CFTR: variants seen among roughly 807,000 people sequenced by gnomAD.
CFTR encodes CF transmembrane conductance regulator.
In CFTR, 181 loss-of-function variants were observed where a neutral mutation model predicts 171.6. The ratio of observed to expected loss-of-function variants is 1.05; its 90% CI spans 0.93 to 1.19. CFTR has a LOEUF of 1.19. CFTR is among the 50% of genes most tolerant of loss of function. The pLI is 0.00. For synonymous variants in CFTR, 583 were observed against 608.0 expected, an observed-to-expected ratio of 0.96 and a Z score of 0.60; for missense variants, 1,968 against 1,734.7, an observed-to-expected ratio of 1.13 and a Z score of -2.39.
chr7:117,623,357 A>G (rs1792609217), intron 21 of CFTR, among the ~76,000 whole-genome samples: 1 of 152,190 alleles, frequency 6.6e-6, no homozygotes, highest in Admixed American at 6.6e-5. Context: ...TCCTCCTTGG[A>G]CAACTGTTTT....
chr7:117,529,243 A>C (rs1333681797), intron 3 of CFTR, among the ~76,000 whole-genome samples: 1 of 100,910 alleles, frequency 9.9e-6, no homozygotes, highest in Non-Finnish European at 1.8e-5. Context: ...GGAAACCATC[A>C]TTCTCAGTAA....
chr7:117,563,856 C>T (rs1276954049), intron 11 of CFTR, among the ~76,000 whole-genome samples: 4 of 152,062 alleles, frequency 2.6e-5, no homozygotes, highest in African/African-American at 7.2e-5. Flanking sequence ...GTCCTGCTGA[C>T]TTTTGGAACT....
At chr7:117,488,508 C>T (rs1296619518) in intron 1 of CFTR, among the ~76,000 whole-genome samples, 1 of 152,064 alleles carries the variant, frequency 6.6e-6, no homozygotes, top group Non-Finnish European at 1.5e-5. Context: ...TTGACCATTT[C>T]ATTGCCTCTT....
Position 117,591,321 on chromosome 7 carries a change from TA to T in CFTR, c.1767-606del, listed in dbSNP as rs543549063. 1.3e-4 allele frequency among the ~76,000 whole-genome samples: 20 copies of T among 152,134 alleles called. No individual in the cohort carries two copies. The South Asian group carries it at 3.5e-3, about 27-fold the overall frequency. On this transcript the variant is annotated intron_variant, in intron 13 of 26. Transcript: ENST00000003084. ...ATATGATATATGACATTTTAATGCC[TA>T]AAAAAACTGATATGTCTTAGATGAT...
intron 11 of CFTR, among the ~76,000 whole-genome samples, chr7:117,583,084 C>G (rs896172299): frequency 7.9e-5 from 12 of 152,058 alleles, no homozygotes; most frequent in African/African-American, 1.2e-4. Context: ...CTGAAACAGC[C>G]TCTTAATTAT....
chr7:117,493,815 A>T (rs531596903), intron 1 of CFTR, among the ~76,000 whole-genome samples: 2 of 152,222 alleles, frequency 1.3e-5, no homozygotes, highest in South Asian at 4.1e-4. Flanking sequence ...CCAAGAACCC[A>T]ATTCCATGTT....
chr7:117,577,629 G>C (rs1791791336), intron 11 of CFTR, among the ~76,000 whole-genome samples: 1 of 152,042 alleles, frequency 6.6e-6, no homozygotes, highest in East Asian at 1.9e-4. Context: ...CCTATAAAAT[G>C]TGACTTTCAT....
At chr7:117,581,242 A>G (rs1231514181) in intron 11 of CFTR, among the ~76,000 whole-genome samples, 1 of 152,156 alleles carries the variant, frequency 6.6e-6, no homozygotes, top group Non-Finnish European at 1.5e-5. Flanking sequence ...ACCAACTTCA[A>G]CAATAGTACA....
chr7:117,664,353 A>G (rs1473502089), intron 24 of CFTR, among the ~76,000 whole-genome samples: 2 of 152,156 alleles, frequency 1.3e-5, no homozygotes, highest in African/African-American at 4.8e-5. Context: ...GGAATAATTT[A>G]TGTACACCTT....
At chr7:117,633,909 T>C (rs1792788068) in intron 22 of CFTR, among the ~76,000 whole-genome samples, 1 of 152,102 alleles carries the variant, frequency 6.6e-6, no homozygotes, top group Non-Finnish European at 1.5e-5. Context: ...CTAATACTTT[T>C]TGAGAATTTT....
chr7:117,578,838 T>C (rs934222699), intron 11 of CFTR, among the ~76,000 whole-genome samples: 7 of 152,106 alleles, frequency 4.6e-5, no homozygotes, highest in Non-Finnish European at 1.0e-4. Flanking sequence ...GTTCCACTAA[T>C]GAAGATATCT....
At chr7:117,666,858 TG>T in intron 26 of CFTR, 49 bp from the exon 27 acceptor site, 1 of 1,529,332 alleles carries the variant, frequency 6.5e-7, no homozygotes, top group Non-Finnish European at 9.1e-7. Context: ...GTCCCTGCTC[TG>T]GTCTGACCTG....
chr7:117,585,951 G>C (rs1791927020), intron 11 of CFTR, among the ~76,000 whole-genome samples: 1 of 152,134 alleles, frequency 6.6e-6, no homozygotes, highest in Non-Finnish European at 1.5e-5. Flanking sequence ...ACCAGATTTA[G>C]TTTTTAAAAA....
At chr7:117,550,344 T>A (rs1361458105) in intron 10 of CFTR, among the ~76,000 whole-genome samples, 2 of 150,636 alleles carry the variant, frequency 1.3e-5, no homozygotes, top group South Asian at 2.1e-4. Context: ...AAAAAAAAAA[T>A]TGGTGTTTGC....
chr7:117,595,414 G>A (rs1792105029), intron 15 of CFTR, among the ~76,000 whole-genome samples: 2 of 150,346 alleles, frequency 1.3e-5, no homozygotes, highest in Admixed American at 1.3e-4. Context: ...AGATTCGAAA[G>A]CTCAAAGTAG....
intron 17 of CFTR, among the ~76,000 whole-genome samples, chr7:117,606,341 T>C (rs1452239908): frequency 1.3e-5 from 2 of 152,132 alleles, no homozygotes; most frequent in African/African-American, 4.8e-5. Context: ...AATGCAAGGT[T>C]GCAAAAGTAA....
chr7:117,524,588 T>A (rs549641716), intron 3 of CFTR, among the ~76,000 whole-genome samples: 32 of 152,338 alleles, frequency 2.1e-4, no homozygotes, highest in Middle Eastern at 3.4e-3. Context: ...ATCCAAGATT[T>A]ACCTTAATTG....
At chr7:117,531,441 A>T (rs1798865072) in intron 4 of CFTR, among the ~76,000 whole-genome samples, 1 of 152,082 alleles carries the variant, frequency 6.6e-6, no homozygotes, top group Non-Finnish European at 1.5e-5. Flanking sequence ...TTGACAAAAT[A>T]TCATCTTATA....
intron 22 of CFTR, among the ~76,000 whole-genome samples, chr7:117,636,379 G>T (rs1190282393): frequency 1.3e-5 from 2 of 151,526 alleles, no homozygotes; most frequent in East Asian, 3.9e-4. Context: ...ATTTTTTTTG[G>T]CATTATTCTG....
Sources: allele counts gnomAD v4.1 joint callset (sites outside exome capture counted in the v4.1 genomes callset), GRCh38; gene constraint gnomAD v4.1.1; transcripts MANE v1.5; gene names NCBI Gene and HGNC (gene_info 2026-07-23, HGNC 2026-07-21).